WDR48: variants seen among roughly 807,000 people sequenced by gnomAD.
WDR48 encodes WD repeat-containing protein 48.
In WDR48, 22 loss-of-function variants were observed where a neutral mutation model predicts 94.0. That is an observed-to-expected ratio of 0.23 (90% CI 0.17 to 0.33). The LOEUF (loss-of-function observed/expected upper bound fraction) is 0.33, where lower values mean the gene tolerates loss of function less well. Ranked by LOEUF, WDR48 falls within the 10% of genes least tolerant of loss-of-function variation. WDR48 has a pLI of 1.00. For missense variants in WDR48, 541 were observed against 813.8 expected (o/e 0.66, Z 4.08); for synonymous variants, 278 against 280.5 (o/e 0.99, Z 0.09).
intron 15 of WDR48, among the ~76,000 whole-genome samples, chr3:39,088,775 T>TTAC (rs2034941235): frequency 6.6e-6 from 1 of 152,094 alleles, no homozygotes; most frequent in Admixed American, 6.5e-5. Context: ...GGGGGAGAGC[T>TTAC]TACTAGTCTA....
Position 39,074,953 on chromosome 3 carries a change from A to G in WDR48, c.897+3A>G, listed in dbSNP as rs377765260. 1.9e-6 allele frequency: 3 copies of G among 1,612,830 alleles called. No individual in the cohort carries two copies. Among genetic ancestry groups the G allele is most frequent in the Non-Finnish European group, 2.5e-6 (3 of 1,179,518 alleles). ...AAGAAAAAGCACCAGTTCTCAAGGT[A>G]TGTCATATGTTAATATTTTAGTTTT... On this transcript the variant is annotated splice_donor_region_variant and intron_variant, in intron 8 of 18. Coordinates refer to ENST00000302313, the MANE Select transcript of WDR48 (RefSeq NM_020839.4).
At position 39,089,321 on chromosome 3, in the gene WDR48, A is replaced by G; in HGVS notation, c.1668+3A>G. 6.2e-7 allele frequency: 1 copy of G among 1,610,658 alleles called. No homozygotes were observed. Among genetic ancestry groups the G allele is most frequent in the South Asian group, 1.1e-5 (1 of 90,262 alleles). ...GGGTAATTGACATCACTGTGGATGT[A>G]AGTATCCTCCACTCCCACTTTGCTC... On this transcript the variant is annotated splice_donor_region_variant and intron_variant, in intron 16 of 18. Transcript: ENST00000302313.
rs778402538 is a variant in WDR48, at chr3:39,074,973, A to G, written c.897+23A>G. On this transcript the variant is annotated intron_variant, in intron 8 of 18. Transcript: ENST00000302313. The stretch of plus-strand genomic sequence containing the variant: ...AAGGTATGTCATATGTTAATATTTT[A>G]GTTTTATAATTAAGGTTGTTACATG... 8 of 1,607,594 alleles carry G rather than the reference A, an allele frequency of 5.0e-6. No homozygotes were observed. The African/African-American group carries it at 5.4e-5, about 11-fold the overall frequency.
intron 1 of WDR48, 114 bp from the exon 2 acceptor site, chr3:39,062,936 A>G: frequency 7.4e-7 from 1 of 1,353,174 alleles, no homozygotes; most frequent in South Asian, 1.4e-5. Flanking sequence ...TGGGTTGAAA[A>G]AGTACATATT....
At chr3:39,075,976 G>A (rs576017571) in intron 8 of WDR48, among the ~76,000 whole-genome samples, 2 of 152,264 alleles carry the variant, frequency 1.3e-5, no homozygotes, top group Non-Finnish European at 2.9e-5. Flanking sequence ...TATTACAGGC[G>A]TGAGCCACCA....
At position 39,094,770 on chromosome 3, in the gene WDR48, C is replaced by G; in HGVS notation, c.*27C>G. ...GGCTGGGCTAATGCTCCTGGATATT[C>G]ATTTACGACCTTCCTCTATGGCCCC... On this transcript the variant is annotated 3_prime_UTR_variant, in exon 19 of 19. Transcript: ENST00000302313. The G allele has an allele frequency of 6.2e-7, 1 of 1,612,942 alleles. No homozygotes were observed.
At chr3:39,060,585 A>G (rs1271817908) in intron 1 of WDR48, among the ~76,000 whole-genome samples, 1 of 152,186 alleles carries the variant, frequency 6.6e-6, no homozygotes, top group East Asian at 1.9e-4. Flanking sequence ...CCAGATCACC[A>G]TTGCTCTTTT....
Position 39,094,847 on chromosome 3 carries a change from C to T in WDR48, c.*104C>T, listed in dbSNP as rs993293143. 34 of 1,405,454 alleles carry T rather than the reference C, an allele frequency of 2.4e-5. 1 individual carries two copies. In the South Asian group the frequency reaches 3.2e-4, roughly 13 times the overall value. 87.1% of individuals were successfully genotyped at this position (1,405,454 alleles called of 1,614,324 possible). ...TCCCCAACGGGAGCAAGACTTCTAA[C>T]GGCTGATTGGTATGGACCGAGATTA... On this transcript the variant is annotated 3_prime_UTR_variant, in exon 19 of 19. Coordinates refer to ENST00000302313, the MANE Select transcript of WDR48 (RefSeq NM_020839.4).
At chr3:39,071,805 T>C (rs2033949203) in intron 7 of WDR48, among the ~76,000 whole-genome samples, 1 of 152,152 alleles carries the variant, frequency 6.6e-6, no homozygotes. Flanking sequence ...GTTAGTGAAT[T>C]GATCAACAAA....
intron 16 of WDR48, 29 bp from the exon 17 acceptor site, chr3:39,091,596 T>G: frequency 6.5e-7 from 1 of 1,532,902 alleles, no homozygotes; most frequent in Non-Finnish European, 8.9e-7. Context: ...ATAGAAACTG[T>G]TATACCTTTT....
intron 10 of WDR48, among the ~76,000 whole-genome samples, 153 bp downstream of exon 10, chr3:39,078,392 T>C (rs1350731171): frequency 6.6e-6 from 1 of 152,086 alleles, no homozygotes; most frequent in African/African-American, 2.4e-5. Context: ...GGAAAAGGTT[T>C]TTTTTTGTTT....
chr3:39,086,963 G>A (rs2034837515), intron 14 of WDR48, among the ~76,000 whole-genome samples: 1 of 152,180 alleles, frequency 6.6e-6, no homozygotes, highest in African/African-American at 2.4e-5. Flanking sequence ...TTCAGATGGT[G>A]CTTGGTGAGC....
At chr3:39,079,557 T>C (rs571261624) in intron 10 of WDR48, among the ~76,000 whole-genome samples, 154 bp from the exon 11 acceptor site, 2 of 152,370 alleles carry the variant, frequency 1.3e-5, no homozygotes, top group South Asian at 4.1e-4. Flanking sequence ...TGAATTGCTT[T>C]AGATATAATT....
intron 6 of WDR48, among the ~76,000 whole-genome samples, chr3:39,069,265 C>T (rs1180585389): frequency 6.6e-6 from 1 of 152,202 alleles, no homozygotes; most frequent in African/African-American, 2.4e-5. Flanking sequence ...ATGAGAGCCA[C>T]TGTGCCCCAA....
intron 7 of WDR48, among the ~76,000 whole-genome samples, chr3:39,070,926 T>C (rs922322595): frequency 1.3e-5 from 2 of 152,100 alleles, no homozygotes; most frequent in African/African-American, 4.8e-5. Flanking sequence ...AGTGAGAATA[T>C]GCGGTGTTTG....
intron 1 of WDR48, among the ~76,000 whole-genome samples, chr3:39,052,870 G>A (rs2032557597): frequency 1.3e-5 from 2 of 152,092 alleles, no homozygotes; most frequent in African/African-American, 4.8e-5. Flanking sequence ...GGGGCCTGTC[G>A]GGGGCTGGGG....
At chr3:39,088,040 A>C in intron 14 of WDR48, 88 bp from the exon 15 acceptor site, 1 of 1,221,756 alleles carries the variant, frequency 8.2e-7, no homozygotes, top group South Asian at 1.3e-5. Flanking sequence ...TTAATCTTGC[A>C]ATGTTTGAAG....
intron 2 of WDR48, among the ~76,000 whole-genome samples, chr3:39,063,691 C>A (rs202003749): frequency 6.6e-6 from 1 of 152,080 alleles, no homozygotes; most frequent in East Asian, 1.9e-4. Flanking sequence ...ACCTGCAATC[C>A]CAACAATTTC....
rs1477613171 is a variant in WDR48 at position 39,052,526 on chromosome 3, G to A, written c.48+453G>A. The A allele has an allele frequency of 6.4e-5, 11 of 170,764 alleles. No individual in the cohort carries two copies. In the South Asian group the frequency reaches 1.3e-3, roughly 20 times the overall value. 10.6% of individuals were successfully genotyped at this position (170,764 alleles called of 1,614,324 possible). ...CGTGGCGAGGCGGCGGAGCGCCAAC[G>A]GCCCTGCGGGGTTTCTGCTGAGGAT... On this transcript the variant is annotated intron_variant, in intron 1 of 18. Transcript: ENST00000302313.
Sources: allele counts gnomAD v4.1 joint callset (sites outside exome capture counted in the v4.1 genomes callset), GRCh38; gene constraint gnomAD v4.1.1; transcripts MANE v1.5; gene names NCBI Gene and HGNC (gene_info 2026-07-23, HGNC 2026-07-21).